TENM3: variants seen among roughly 807,000 people sequenced by gnomAD.
TENM3 encodes teneurin-3.
TENM3 carries 63 observed loss-of-function variants against 255.1 expected under a neutral mutation model. The observed-to-expected ratio is 0.25, with a 90% CI of 0.20 to 0.30. The LOEUF is 0.30. Among genes scored for constraint, TENM3 ranks in the 10% least tolerant of loss-of-function variants. The probability of loss-of-function intolerance (pLI) is 1.00; values close to 1 mark genes in which losing one functional copy is unlikely to be tolerated. For synonymous variants in TENM3, 1,306 were observed against 1,322.3 expected, an observed-to-expected ratio of 0.99 and a Z score of 0.27; for missense variants, 2,929 against 3,461.1, an observed-to-expected ratio of 0.85 and a Z score of 3.86.
the TENM3 span, among the ~76,000 whole-genome samples, chr4:181,562,409 C>A: frequency 6.6e-6 from 1 of 152,020 alleles, no homozygotes; most frequent in Non-Finnish European, 1.5e-5. Context: ...GACAAAACTC[C>A]CAAAGCACAG....
intron 1 of TENM3, among the ~76,000 whole-genome samples, chr4:182,305,785 G>A (rs1189656239): frequency 6.6e-6 from 1 of 152,210 alleles, no homozygotes; most frequent in Non-Finnish European, 1.5e-5. Context: ...AATACCCAAT[G>A]CCAGTTTGAT....
At chr4:181,929,283 T>A in the TENM3 span, among the ~76,000 whole-genome samples, 1 of 150,630 alleles carries the variant, frequency 6.6e-6, no homozygotes, top group Non-Finnish European at 1.5e-5. Context: ...AGGAGACCCA[T>A]CTCACATGTA....
chr4:182,121,051 T>C, the TENM3 span, among the ~76,000 whole-genome samples: 1 of 152,106 alleles, frequency 6.6e-6, no homozygotes, highest in African/African-American at 2.4e-5. Context: ...CAGTCTGGAG[T>C]GCAGTGGCAT....
the TENM3 span, among the ~76,000 whole-genome samples, chr4:181,561,742 A>AT: frequency 1.3e-5 from 2 of 152,350 alleles, no homozygotes; most frequent in African/African-American, 4.8e-5. Flanking sequence ...TATGCTATGG[A>AT]TAACACTGAT....
chr4:181,695,236 C>T, the TENM3 span, among the ~76,000 whole-genome samples: 1 of 152,062 alleles, frequency 6.6e-6, no homozygotes, highest in Non-Finnish European at 1.5e-5. Context: ...TGGAAGGACA[C>T]ATAGCTAAAG....
At position 182,802,711 on chromosome 4, in the gene TENM3, T is replaced by C. The variant is rs960283444; in HGVS notation, c.*2360T>C. The C allele has an allele frequency of 2.6e-5, 4 of 152,490 alleles. No homozygotes were observed. The allele number at this position is 152,490 out of a possible 1,614,324, so 9.4% of individuals were successfully genotyped here. A position where few individuals can be genotyped will look rare whatever the true frequency, so the allele number is the denominator to read the frequency against. On this transcript the variant is annotated 3_prime_UTR_variant, in exon 28 of 28. Coordinates refer to ENST00000511685, the MANE Select transcript of TENM3 (RefSeq NM_001080477.4). ...TGAGCCTATTTCTTTCTAAAAAGAC[T>C]TGTGATCTGGACATGCTTTTACAAG...
the TENM3 span, among the ~76,000 whole-genome samples, chr4:181,835,547 A>G: frequency 6.6e-6 from 1 of 152,210 alleles, no homozygotes; most frequent in Non-Finnish European, 1.5e-5. Flanking sequence ...AGCAAAGTCA[A>G]CCACTCTTGG....
At chr4:181,487,250 G>T in the TENM3 span, among the ~76,000 whole-genome samples, 2 of 152,262 alleles carry the variant, frequency 1.3e-5, no homozygotes, top group South Asian at 2.1e-4. Flanking sequence ...TTGGCTGGTG[G>T]TTGGTTTTTG....
chr4:181,686,524 T>C, the TENM3 span, among the ~76,000 whole-genome samples: 1 of 152,254 alleles, frequency 6.6e-6, no homozygotes, highest in Non-Finnish European at 1.5e-5. Flanking sequence ...AAACATTTAT[T>C]GCGCCCAATT....
chr4:181,980,659 A>T, the TENM3 span, among the ~76,000 whole-genome samples: 1 of 152,180 alleles, frequency 6.6e-6, no homozygotes, highest in Non-Finnish European at 1.5e-5. Flanking sequence ...CTTAAAACTC[A>T]CAGCTCTTTT....
At chr4:181,914,702 G>A in the TENM3 span, among the ~76,000 whole-genome samples, 1 of 152,214 alleles carries the variant, frequency 6.6e-6, no homozygotes, top group African/African-American at 2.4e-5. Flanking sequence ...CTAACGCTGA[G>A]AGAGGGAAAG....
chr4:182,402,746 C>A (rs891067539), intron 3 of TENM3, among the ~76,000 whole-genome samples: 9 of 152,106 alleles, frequency 5.9e-5, no homozygotes, highest in Non-Finnish European at 1.3e-4. Flanking sequence ...AGAAATTATG[C>A]TAATGCATTT....
At chr4:181,537,910 T>TAAAACTGCTTG in the TENM3 span, among the ~76,000 whole-genome samples, 2 of 152,216 alleles carry the variant, frequency 1.3e-5, no homozygotes, top group Non-Finnish European at 2.9e-5. Context: ...ATGCTTAATG[T>TAAAACTGCTTG]AAAACTGCTT....
At chr4:182,317,411 C>T (rs566433354) in intron 1 of TENM3, among the ~76,000 whole-genome samples, 1 of 152,182 alleles carries the variant, frequency 6.6e-6, no homozygotes, top group Non-Finnish European at 1.5e-5. Context: ...TTGATCCTCC[C>T]GTCTCAGCCA....
intron 3 of TENM3, among the ~76,000 whole-genome samples, chr4:182,468,346 G>T (rs2151434570): frequency 6.6e-6 from 1 of 152,356 alleles, no homozygotes; most frequent in South Asian, 2.1e-4. Context: ...GGGTGGGGCT[G>T]TGTGGTTTAA....
intron 24 of TENM3, among the ~76,000 whole-genome samples, chr4:182,785,492 A>G (rs921324514): frequency 4.0e-5 from 6 of 151,218 alleles, no homozygotes; most frequent in Non-Finnish European, 8.9e-5. Context: ...TGGATCACCT[A>G]AGCCCAGGAG....
At chr4:181,839,371 A>C in the TENM3 span, among the ~76,000 whole-genome samples, 1 of 49,818 alleles carries the variant, frequency 2.0e-5, no homozygotes, top group African/African-American at 5.7e-5. Context: ...ATATATATAT[A>C]TATATATATA....
intron 3 of TENM3, among the ~76,000 whole-genome samples, chr4:182,535,758 G>T: frequency 6.7e-6 from 1 of 150,292 alleles, no homozygotes; most frequent in South Asian, 2.1e-4. Flanking sequence ...AAAAAACACA[G>T]AATTTTTTTG....
At chr4:181,602,911 A>T in the TENM3 span, among the ~76,000 whole-genome samples, 1,137 of 152,078 alleles carry the variant, frequency 7.5e-3, 13 homozygotes, top group African/African-American at 0.024. Flanking sequence ...AAATTTTTTT[A>T]AAAAAAGAAG....
Sources: allele counts gnomAD v4.1 joint callset (sites outside exome capture counted in the v4.1 genomes callset), GRCh38; gene constraint gnomAD v4.1.1; transcripts MANE v1.5; gene names NCBI Gene and HGNC (gene_info 2026-07-23, HGNC 2026-07-21).